The following DPP10 variants were observed in gnomAD, a reference collection of about 807,000 sequenced individuals.
DPP10 encodes the protein dipeptidyl peptidase like 10.
A neutral mutation model predicts 120.9 loss-of-function variants in DPP10; 33 were observed. The ratio of observed to expected loss-of-function variants is 0.27; its 90% CI spans 0.21 to 0.37. The LOEUF (loss-of-function observed/expected upper bound fraction) is 0.37. Among genes scored for constraint, DPP10 ranks in the 10% least tolerant of loss-of-function variants. The pLI, the probability that DPP10 is intolerant of heterozygous loss-of-function variation, is 1.00. For synonymous variants in DPP10, 337 were observed against 326.1 expected (o/e 1.03, Z -0.36); for missense variants, 816 against 942.8 (o/e 0.87, Z 1.76).
chr2:115,625,631 T>A (rs2085299275), intron 5 of DPP10, among the ~76,000 whole-genome samples: 1 of 152,162 alleles, frequency 6.6e-6, no homozygotes, highest in Admixed American at 6.6e-5. Context: ...TGGAAATATC[T>A]TTCCAAAACT....
At chr2:114,863,140 G>A (rs1689958862) in intron 1 of DPP10, among the ~76,000 whole-genome samples, 1 of 152,094 alleles carries the variant, frequency 6.6e-6, no homozygotes, top group African/African-American at 2.4e-5. Flanking sequence ...AGGTTAACTA[G>A]GAGTTCTCAG....
chr2:115,270,287 A>G (rs1418418312), intron 1 of DPP10, among the ~76,000 whole-genome samples: 1 of 152,102 alleles, frequency 6.6e-6, no homozygotes, highest in Non-Finnish European at 1.5e-5. Context: ...CATATGAAGT[A>G]TAAGAAGCAG....
intron 1 of DPP10, among the ~76,000 whole-genome samples, chr2:114,995,496 A>G (rs1458570129): frequency 6.6e-6 from 1 of 152,224 alleles, no homozygotes; most frequent in East Asian, 1.9e-4. Flanking sequence ...GCTTAAAGGA[A>G]TTCTACAAAA....
At chr2:115,140,036 C>A (rs1400343093) in intron 1 of DPP10, among the ~76,000 whole-genome samples, 2 of 152,016 alleles carry the variant, frequency 1.3e-5, no homozygotes, top group Non-Finnish European at 2.9e-5. Context: ...AAAAAATAGA[C>A]CAAAGTTTTG....
intron 5 of DPP10, among the ~76,000 whole-genome samples, chr2:115,582,362 C>A (rs2082048735): frequency 6.6e-6 from 1 of 152,158 alleles, no homozygotes; most frequent in Non-Finnish European, 1.5e-5. Context: ...CCTGTTACTG[C>A]ACATGCTTGA....
intron 1 of DPP10, among the ~76,000 whole-genome samples, chr2:114,693,019 G>A (rs905465456): frequency 6.6e-6 from 1 of 151,962 alleles, no homozygotes; most frequent in African/African-American, 2.4e-5. Flanking sequence ...GATGGGTCTT[G>A]GCCATTTATC....
chr2:115,237,062 T>C (rs2058041522), intron 1 of DPP10, among the ~76,000 whole-genome samples: 2 of 152,204 alleles, frequency 1.3e-5, no homozygotes, highest in South Asian at 4.1e-4. Flanking sequence ...AGGTTCCTAC[T>C]ATGAAGCTAA....
At chr2:114,806,297 T>C (rs1277742396) in intron 1 of DPP10, among the ~76,000 whole-genome samples, 2 of 152,234 alleles carry the variant, frequency 1.3e-5, no homozygotes, top group Admixed American at 6.5e-5. Flanking sequence ...AAGCTAGCCA[T>C]GTATTATTTT....
intron 1 of DPP10, among the ~76,000 whole-genome samples, chr2:114,884,533 C>G (rs185965181): frequency 6.6e-6 from 1 of 152,160 alleles, no homozygotes; most frequent in African/African-American, 2.4e-5. Context: ...CTGACTCTTA[C>G]TCCTCTGTCT....
At chr2:115,215,956 C>T (rs907551548) in intron 1 of DPP10, among the ~76,000 whole-genome samples, 13 of 152,016 alleles carry the variant, frequency 8.6e-5, no homozygotes, top group African/African-American at 2.4e-4. Context: ...ATATGCATAC[C>T]GTGGATACTA....
At chr2:115,150,373 T>A (rs993744996) in intron 1 of DPP10, among the ~76,000 whole-genome samples, 4 of 152,222 alleles carry the variant, frequency 2.6e-5, no homozygotes, top group Non-Finnish European at 4.4e-5. Context: ...TTGCCTCTTA[T>A]CTATAGTGAA....
intron 3 of DPP10, among the ~76,000 whole-genome samples, chr2:115,429,368 G>C (rs570750284): frequency 1.3e-5 from 2 of 152,140 alleles, no homozygotes; most frequent in Non-Finnish European, 2.9e-5. Context: ...AATTCAACAA[G>C]CTAGCATAAA....
At chr2:114,513,521 C>CAAAAAAA (rs10712243) in intron 1 of DPP10, among the ~76,000 whole-genome samples, 54 of 74,924 alleles carry the variant, frequency 7.2e-4, no homozygotes, top group Non-Finnish European at 8.6e-4. Flanking sequence ...AACTCTACCT[C>CAAAAAAA]AAAAAAAAAA....
chr2:114,704,103 G>T (rs960421024), intron 1 of DPP10, among the ~76,000 whole-genome samples: 7 of 152,082 alleles, frequency 4.6e-5, no homozygotes, highest in Admixed American at 3.9e-4. Flanking sequence ...GTGTTATAAA[G>T]GTTAGGAATA....
At chr2:115,114,774 G>C (rs2049412284) in intron 1 of DPP10, among the ~76,000 whole-genome samples, 1 of 151,980 alleles carries the variant, frequency 6.6e-6, no homozygotes. Context: ...ACTAGAATTA[G>C]TAACAAATTA....
chr2:115,177,820 G>A (rs2053801576), intron 1 of DPP10, among the ~76,000 whole-genome samples: 1 of 152,132 alleles, frequency 6.6e-6, no homozygotes, highest in Admixed American at 6.5e-5. Context: ...CTGGAGTACA[G>A]TGGCGCGATC....
rs376090272 is a variant in DPP10, at chr2:115,371,024, T to A, written c.271+27112T>A. On this transcript the variant is annotated intron_variant, in intron 3 of 25. Coordinates refer to ENST00000410059, the MANE Select transcript of DPP10 (RefSeq NM_020868.6). ...GTTATTGAAAACATTAAATGAATTG[T>A]TAAAAAATTAAAGGTTTAAACATTT... 3.3e-5 allele frequency among the ~76,000 whole-genome samples: 5 copies of A among 152,260 alleles called. No individual in the cohort carries two copies. In the East Asian group the frequency reaches 9.6e-4, roughly 29 times the overall value.
At chr2:114,652,172 G>A (rs1231378523) in intron 1 of DPP10, among the ~76,000 whole-genome samples, 1 of 152,130 alleles carries the variant, frequency 6.6e-6, no homozygotes, top group Non-Finnish European at 1.5e-5. Context: ...TGGGGGGTGG[G>A]TTCCCCTGTG....
rs556563836 is a variant in DPP10, at chr2:114,780,609, C to G, written c.60+337771C>G. Among the ~76,000 whole-genome samples the G allele has an allele frequency of 2.6e-5, 4 of 152,096 alleles. No homozygotes were observed. The South Asian group carries it at 8.3e-4, about 32-fold the overall frequency. ...ATTACAATAACACACTATTAAATTA[C>G]AACTGCATTTATGTAGATACAACAT... is the stretch of plus-strand genomic sequence containing the variant. On this transcript the variant is annotated intron_variant, in intron 1 of 25. Transcript: ENST00000410059.
Sources: gnomAD v4.1 joint callset for allele counts (sites outside exome capture counted in the v4.1 genomes callset) on GRCh38, gnomAD v4.1.1 for gene constraint, MANE v1.5 for transcripts, NCBI Gene and HGNC (gene_info 2026-07-23, HGNC 2026-07-21) for gene names.